The following COL8A1 variants were observed in gnomAD, a reference collection of about 807,000 sequenced individuals.
The protein encoded by COL8A1 is collagen type VIII alpha 1 chain, also known as collagen alpha-1(VIII) chain.
In COL8A1, 21 loss-of-function variants were observed where a neutral mutation model predicts 42.7. The observed-to-expected ratio is 0.49, with a 90% CI of 0.35 to 0.71. The LOEUF is 0.71. COL8A1 is among the 30% of genes least tolerant of loss of function. The pLI is 0.01. For missense variants in COL8A1, 788 were observed against 962.4 expected (o/e 0.82, Z 2.40); for synonymous variants, 367 against 369.1 (o/e 0.99, Z 0.06).
intron 1 of COL8A1, among the ~76,000 whole-genome samples, chr3:99,654,794 A>T (rs932122481): frequency 2.6e-5 from 4 of 152,170 alleles, no homozygotes; most frequent in Non-Finnish European, 5.9e-5. Context: ...TCTCAAAAAA[A>T]AAAAGCACAA....
chr3:99,781,049 C>A (rs1285746390), intron 2 of COL8A1, among the ~76,000 whole-genome samples: 1 of 152,126 alleles, frequency 6.6e-6, no homozygotes, highest in African/African-American at 2.4e-5. Context: ...CGATTTATCA[C>A]AATTGAGTAT....
At chr3:99,769,914 A>G (rs1941545160) in intron 2 of COL8A1, among the ~76,000 whole-genome samples, 1 of 152,124 alleles carries the variant, frequency 6.6e-6, no homozygotes, top group South Asian at 2.1e-4. Context: ...GTTAGATTCC[A>G]TCCAAAAAAA....
chr3:99,780,086 CCT>C (rs1261731096), intron 2 of COL8A1, among the ~76,000 whole-genome samples: 6 of 152,170 alleles, frequency 3.9e-5, no homozygotes, highest in Non-Finnish European at 8.8e-5. Flanking sequence ...CACCACCACC[CCT>C]GTTTTCTTTT....
intron 1 of COL8A1, among the ~76,000 whole-genome samples, chr3:99,738,762 C>G (rs1334723626): frequency 6.6e-6 from 1 of 152,228 alleles, no homozygotes; most frequent in Non-Finnish European, 1.5e-5. Context: ...CCAGTTCGAG[C>G]TTCCTGGCTG....
intron 1 of COL8A1, among the ~76,000 whole-genome samples, chr3:99,704,903 T>G (rs892915570): frequency 1.3e-5 from 2 of 152,030 alleles, no homozygotes; most frequent in Admixed American, 6.6e-5. Context: ...TGAACATGGA[T>G]CCCATGAACA....
Position 99,795,206 on chromosome 3 carries a change from C to T in COL8A1, c.1305C>T (p.Gly435=), listed in dbSNP as rs769477201. 1.9e-6 allele frequency: 3 copies of T among 1,613,688 alleles called. No individual in the cohort carries two copies. The highest frequency in any genetic ancestry group is 3.3e-5 in the Admixed American group (2 of 59,992). Residue 435 remains glycine, a synonymous_variant, in exon 4 of 4, where the codon GGC becomes GGT. Transcript: ENST00000652472. Reference sequence around the variant, plus strand: ...CCAAGGGTGAGCCAGGGCTTCAAGGCTTCCCAGGAAAGCCAGGTTTCCTTG... The same window carrying T: ...CCAAGGGTGAGCCAGGGCTTCAAGGTTTCCCAGGAAAGCCAGGTTTCCTTG... ...PGPKGEPGLQ[G]FPGKPGFLGE...
At chr3:99,792,076 ACTC>A (rs886589519) in intron 3 of COL8A1, among the ~76,000 whole-genome samples, 21 of 152,196 alleles carry the variant, frequency 1.4e-4, no homozygotes, top group African/African-American at 5.1e-4. Context: ...TCCCCAGATA[ACTC>A]CTCAATACAG....
chr3:99,752,350 C>T (rs2107414529), intron 2 of COL8A1, among the ~76,000 whole-genome samples: 1 of 152,088 alleles, frequency 6.6e-6, no homozygotes, highest in Admixed American at 6.5e-5. Flanking sequence ...TAATAAGTCC[C>T]AGCTATTAGT....
At chr3:99,661,981 T>G (rs142190986) in intron 1 of COL8A1, among the ~76,000 whole-genome samples, 148 of 152,322 alleles carry the variant, frequency 9.7e-4, no homozygotes, top group African/African-American at 3.3e-3. Context: ...GGGGAGTTAT[T>G]TTTAAATGGG....
At chr3:99,737,259 A>C (rs1940752328) in intron 1 of COL8A1, among the ~76,000 whole-genome samples, 1 of 151,394 alleles carries the variant, frequency 6.6e-6, no homozygotes, top group African/African-American at 2.4e-5. Context: ...TGTGAATTTG[A>C]TCCTGTCATT....
intron 1 of COL8A1, among the ~76,000 whole-genome samples, chr3:99,736,125 G>T (rs1053537941): frequency 6.6e-6 from 1 of 151,770 alleles, no homozygotes; most frequent in Admixed American, 6.6e-5. Context: ...TTAATTTTTT[G>T]AAGGGTTTTT....
In COL8A1 at chr3:99,794,286, A is replaced by C. The variant is rs1414219041; in HGVS notation, c.385A>C (p.Arg129=). 1 of 1,612,170 alleles carries C rather than the reference A, an allele frequency of 6.2e-7. No individual in the cohort carries two copies. The highest frequency in any genetic ancestry group is 2.2e-5 in the East Asian group (1 of 44,846). The change falls in exon 4 of 4, where the codon AGA becomes CGA. Residue 129 remains arginine, a synonymous_variant. Transcript: ENST00000652472. This position sits in a 1 kb window ranked among gnomAD's most constrained non-coding sequence, Gnocchi z 4.3. ...AGGTCCCCGTGGAGAGCCTGGCCCAAGAGGACCACCTGGGCCCCCTGGTTT... is the reference window on the plus strand; with the variant it reads ...AGGTCCCCGTGGAGAGCCTGGCCCACGAGGACCACCTGGGCCCCCTGGTTT... The part of the protein sequence containing the change: ...EQGPRGEPGP[R]GPPGPPGLPG...
At chr3:99,685,395 T>C (rs1356047602) in intron 1 of COL8A1, 1 of 152,240 alleles carries the variant, frequency 6.6e-6, no homozygotes, top group African/African-American at 2.4e-5. Context: ...AAAGTTAATA[T>C]ATTATTTCTA....
intron 2 of COL8A1, among the ~76,000 whole-genome samples, chr3:99,773,841 T>A (rs563922577): frequency 2.3e-3 from 196 of 85,358 alleles, no homozygotes; most frequent in Middle Eastern, 5.4e-3. Context: ...ATATATATTT[T>A]TTTTTTTTTT....
intron 2 of COL8A1, among the ~76,000 whole-genome samples, chr3:99,769,116 T>C (rs1228956413): frequency 6.6e-6 from 1 of 152,198 alleles, no homozygotes; most frequent in Non-Finnish European, 1.5e-5. Context: ...TGTAAAATTG[T>C]GCAAATAACT....
chr3:99,719,545 G>A (rs564884102), intron 1 of COL8A1, among the ~76,000 whole-genome samples: 19 of 152,256 alleles, frequency 1.2e-4, no homozygotes, highest in African/African-American at 3.8e-4. Context: ...TGCTAAGGTA[G>A]TACAGGGCTT....
At chr3:99,788,390 T>C (rs754932031) in intron 2 of COL8A1, among the ~76,000 whole-genome samples, 8 of 152,176 alleles carry the variant, frequency 5.3e-5, no homozygotes. Flanking sequence ...GGTTTAAAGA[T>C]TATGAAGTAT....
At chr3:99,745,900 C>T (rs1941015083) in intron 2 of COL8A1, among the ~76,000 whole-genome samples, 1 of 151,916 alleles carries the variant, frequency 6.6e-6, no homozygotes, top group African/African-American at 2.4e-5. Context: ...TATCCACAGC[C>T]ATCCTATGCT....
chr3:99,733,473 T>A (rs1217788544), intron 1 of COL8A1, among the ~76,000 whole-genome samples: 1 of 148,628 alleles, frequency 6.7e-6, no homozygotes, highest in African/African-American at 2.5e-5. Context: ...ACAAAGGACA[T>A]GAACTCATCA....
Sources: allele counts gnomAD v4.1 joint callset (sites outside exome capture counted in the v4.1 genomes callset), GRCh38; gene constraint gnomAD v4.1.1; non-coding constraint Gnocchi (gnomAD v3.1); transcripts MANE v1.5; gene names NCBI Gene and HGNC (gene_info 2026-07-23, HGNC 2026-07-21).